ANO2: variants seen among roughly 807,000 people sequenced by gnomAD.
ANO2 encodes the protein anoctamin 2, also known as anoctamin-2.
ANO2 carries 101 observed loss-of-function variants against 124.2 expected under a neutral mutation model. The ratio of observed to expected loss-of-function variants is 0.81; its 90% CI spans 0.69 to 0.96. The LOEUF (loss-of-function observed/expected upper bound fraction) is 0.96. Ranked by LOEUF, ANO2 falls within the 40% of genes least tolerant of loss-of-function variation. The pLI, the probability that ANO2 is intolerant of heterozygous loss-of-function variation, is 0.00. For synonymous variants in ANO2, 486 were observed against 482.5 expected (o/e 1.01, Z -0.09); for missense variants, 1,293 against 1,274.5 (o/e 1.01, Z -0.22).
intron 20 of ANO2, among the ~76,000 whole-genome samples, chr12:5,584,773 C>G (rs1171398387): frequency 1.3e-5 from 2 of 152,188 alleles, no homozygotes; most frequent in African/African-American, 4.8e-5. Flanking sequence ...GAAGAAAAGG[C>G]ACGAGCTATT....
intron 4 of ANO2, among the ~76,000 whole-genome samples, chr12:5,836,316 A>G (rs2137225418): frequency 6.6e-6 from 1 of 152,376 alleles, no homozygotes; most frequent in Middle Eastern, 3.4e-3. Context: ...CAACCTACTT[A>G]AAACTTTTTA....
intron 14 of ANO2, among the ~76,000 whole-genome samples, chr12:5,720,899 C>T (rs770162052): frequency 7.2e-5 from 11 of 152,218 alleles, no homozygotes; most frequent in Non-Finnish European, 1.0e-4. Context: ...GCCAGAACTC[C>T]TGATGCTAAG....
chr12:5,591,880 G>A lies in ANO2; in HGVS notation c.2233+7604C>T, dbSNP rs571622396. On this transcript the variant is annotated intron_variant, in intron 20 of 24. Transcript: ENST00000682330. ...ACAGCGCTGCCCCGGGGGAGGGCAGGAGGGGAGTCACTGCAGAGGCAGGGA... is the reference window on the plus strand; with the variant it reads ...ACAGCGCTGCCCCGGGGGAGGGCAGAAGGGGAGTCACTGCAGAGGCAGGGA... 3.5e-4 allele frequency among the ~76,000 whole-genome samples: 54 copies of A among 152,306 alleles called. No homozygotes were observed. In the South Asian group the frequency reaches 4.8e-3, roughly 13 times the overall value.
At chr12:5,684,464 G>A (rs1439822131) in intron 14 of ANO2, among the ~76,000 whole-genome samples, 3 of 152,196 alleles carry the variant, frequency 2.0e-5, no homozygotes, top group African/African-American at 4.8e-5. Flanking sequence ...GTGGGGAGCT[G>A]CCCTTCTCTG....
At chr12:5,765,200 C>T (rs1951854092) in intron 10 of ANO2, among the ~76,000 whole-genome samples, 1 of 152,112 alleles carries the variant, frequency 6.6e-6, no homozygotes, top group African/African-American at 2.4e-5. Context: ...AATTCCAATG[C>T]CCACAGGAGC....
At chr12:5,642,795 C>A (rs1362625044) in intron 15 of ANO2, among the ~76,000 whole-genome samples, 1 of 152,134 alleles carries the variant, frequency 6.6e-6, no homozygotes, top group Non-Finnish European at 1.5e-5. Flanking sequence ...CTGTGCACTC[C>A]CCGCTGCAGA....
intron 3 of ANO2, among the ~76,000 whole-genome samples, chr12:5,856,798 G>A (rs1955112714): frequency 6.6e-6 from 1 of 152,128 alleles, no homozygotes; most frequent in African/African-American, 2.4e-5. Context: ...GTTTATCCAC[G>A]GTGATTTTAG....
intron 3 of ANO2, among the ~76,000 whole-genome samples, chr12:5,878,836 G>A (rs1938289787): frequency 6.6e-6 from 1 of 152,222 alleles, no homozygotes; most frequent in African/African-American, 2.4e-5. Context: ...GAAACACACT[G>A]TCCAGTAGTA....
chr12:5,656,705 G>A (rs1947176599), intron 14 of ANO2, among the ~76,000 whole-genome samples: 2 of 152,178 alleles, frequency 1.3e-5, no homozygotes, highest in Non-Finnish European at 2.9e-5. Flanking sequence ...CTCTTTAATT[G>A]TTTGTTCAAC....
intron 9 of ANO2, among the ~76,000 whole-genome samples, chr12:5,804,376 G>A (rs923224565): frequency 2.6e-5 from 4 of 152,124 alleles, no homozygotes; most frequent in African/African-American, 9.7e-5. Context: ...CTGACTTCAC[G>A]AACATTCAGG....
chr12:5,733,561 G>A (rs1176827853), intron 13 of ANO2, among the ~76,000 whole-genome samples: 1 of 152,190 alleles, frequency 6.6e-6, no homozygotes, highest in Non-Finnish European at 1.5e-5. Flanking sequence ...GCCATTCAGG[G>A]AACACACATG....
chr12:5,614,942 A>C (rs184342242), intron 17 of ANO2, among the ~76,000 whole-genome samples: 1 of 152,184 alleles, frequency 6.6e-6, no homozygotes, highest in East Asian at 1.9e-4. Context: ...TTCTTTCAAA[A>C]CTCTCTCTTC....
At chr12:5,765,666 C>G (rs1951869547) in intron 10 of ANO2, among the ~76,000 whole-genome samples, 1 of 152,120 alleles carries the variant, frequency 6.6e-6, no homozygotes, top group African/African-American at 2.4e-5. Context: ...GCAAGGTATA[C>G]AAGGACACAA....
intron 4 of ANO2, among the ~76,000 whole-genome samples, chr12:5,842,916 C>T (rs1271880428): frequency 1.3e-5 from 2 of 152,012 alleles, no homozygotes; most frequent in Admixed American, 1.3e-4. Flanking sequence ...TTACAGAAAA[C>T]AAAATGAATA....
At chr12:5,568,696 G>A (rs78688875) in intron 23 of ANO2, among the ~76,000 whole-genome samples, 8,458 of 152,178 alleles carry the variant, frequency 0.056, 338 homozygotes, top group South Asian at 0.14. Flanking sequence ...CTAATCAACC[G>A]AATAATTTCC....
chr12:5,817,570 G>A (rs1484001466), intron 7 of ANO2, among the ~76,000 whole-genome samples: 1 of 152,212 alleles, frequency 6.6e-6, no homozygotes, highest in Admixed American at 6.5e-5. Context: ...CTGGAGGACA[G>A]CGATGTTTGA....
intron 1 of ANO2, among the ~76,000 whole-genome samples, chr12:5,931,052 T>C (rs548433745): frequency 6.6e-6 from 1 of 152,214 alleles, no homozygotes; most frequent in East Asian, 1.9e-4. Flanking sequence ...TTATCTTGCT[T>C]CTCTCTCATC....
intron 3 of ANO2, among the ~76,000 whole-genome samples, chr12:5,912,005 T>G (rs1429471620): frequency 6.6e-6 from 1 of 152,230 alleles, no homozygotes; most frequent in East Asian, 1.9e-4. Context: ...TGACATTCGT[T>G]GAGCCATAGC....
chr12:5,663,563 C>A (rs1947552628), intron 14 of ANO2, among the ~76,000 whole-genome samples: 1 of 152,160 alleles, frequency 6.6e-6, no homozygotes, highest in African/African-American at 2.4e-5. Flanking sequence ...CTCACCATCC[C>A]ATGTGGCAAG....
Sources: gnomAD v4.1 joint callset for allele counts (sites outside exome capture counted in the v4.1 genomes callset) on GRCh38, gnomAD v4.1.1 for gene constraint, MANE v1.5 for transcripts, NCBI Gene and HGNC (gene_info 2026-07-23, HGNC 2026-07-21) for gene names.